Variants in NALF1 observed in about 807,000 individuals in gnomAD.
NALF1 encodes family with sequence similarity 155 member A.
Under a neutral mutation model 48.4 loss-of-function variants are expected in NALF1, and 3 were observed. The observed-to-expected ratio is 0.06, with a 90% CI of 0.03 to 0.16. The LOEUF is 0.16. Among genes scored for constraint, NALF1 ranks in the 10% least tolerant of loss-of-function variants. The pLI is 1.00. For synonymous variants in NALF1, 262 were observed against 245.7 expected, an observed-to-expected ratio of 1.07 and a Z score of -0.62; for missense variants, 526 against 571.5, an observed-to-expected ratio of 0.92 and a Z score of 0.81.
chr13:107,185,070 C>T lies in NALF1; in HGVS notation c.1088-14284G>A, dbSNP rs74113906. Reference sequence around the variant, plus strand: ...GATGTCAGAGACATACAGAGAAGGCCGTGTGACAGCAGAGGATTAGAGCAG... The same window carrying T: ...GATGTCAGAGACATACAGAGAAGGCTGTGTGACAGCAGAGGATTAGAGCAG... On this transcript the variant is annotated intron_variant, in intron 2 of 2. Coordinates refer to ENST00000375915, the MANE Select transcript of NALF1 (RefSeq NM_001080396.3). 2.6e-3 allele frequency among the ~76,000 whole-genome samples: 402 copies of T among 152,186 alleles called. 1 individual carries two copies. The highest frequency in any genetic ancestry group is 8.5e-3 in the African/African-American group (352 of 41,510).
chr13:107,438,827 C>CAAAAAAAAAAAAAAA (rs61686895), intron 1 of NALF1, among the ~76,000 whole-genome samples: 579 of 17,938 alleles, frequency 0.032, 137 homozygotes, highest in Non-Finnish European at 0.046. Context: ...GACTCCATCT[C>CAAAAAAAAAAAAAAA]AAAAAAAAAA....
chr13:107,467,267 T>C (rs1243943068), intron 1 of NALF1, among the ~76,000 whole-genome samples: 2 of 151,698 alleles, frequency 1.3e-5, no homozygotes, highest in Non-Finnish European at 2.9e-5. Context: ...CAAGTAGAAA[T>C]GATAAATATC....
chr13:107,451,745 G>GCTCTATC (rs911976169), intron 1 of NALF1, among the ~76,000 whole-genome samples: 1 of 151,970 alleles, frequency 6.6e-6, no homozygotes, highest in Non-Finnish European at 1.5e-5. Flanking sequence ...ATTGCACATC[G>GCTCTATC]CTCTATCCAA....
chr13:107,453,613 C>T (rs1472154292), intron 1 of NALF1, among the ~76,000 whole-genome samples: 1 of 152,190 alleles, frequency 6.6e-6, no homozygotes, highest in African/African-American at 2.4e-5. Flanking sequence ...TCTGACATGC[C>T]CTGGAGACAT....
chr13:107,584,305 A>G (rs1313135276), intron 1 of NALF1, among the ~76,000 whole-genome samples: 1 of 152,206 alleles, frequency 6.6e-6, no homozygotes, highest in African/African-American at 2.4e-5. Flanking sequence ...TGTGATTTGG[A>G]AAGTTGGATA....
In NALF1 at chr13:107,705,251, C is replaced by T. The variant is rs565842521; in HGVS notation, c.915+160431G>A. On this transcript the variant is annotated intron_variant, in intron 1 of 2. Coordinates refer to ENST00000375915, the MANE Select transcript of NALF1 (RefSeq NM_001080396.3). ...TGATACTATTAACTTCTACATGTCC[C>T]GCCTCCCTCACAAATGTGCAGTACA... Among the ~76,000 whole-genome samples the T allele has an allele frequency of 1.2e-4, 18 of 152,230 alleles. No individual in the cohort carries two copies. In the South Asian group the frequency reaches 3.7e-3, roughly 32 times the overall value.
intron 1 of NALF1, among the ~76,000 whole-genome samples, chr13:107,217,440 G>C (rs930430451): frequency 2.0e-5 from 3 of 152,132 alleles, no homozygotes; most frequent in African/African-American, 7.2e-5. Context: ...TTCCAAGCTT[G>C]TTTCTACACA....
At chr13:107,420,259 G>A (rs1427200788) in intron 1 of NALF1, among the ~76,000 whole-genome samples, 1 of 152,072 alleles carries the variant, frequency 6.6e-6, no homozygotes, top group Non-Finnish European at 1.5e-5. Context: ...AAAAGAGGAA[G>A]GTAATCATCA....
At chr13:107,223,328 T>C (rs889937069) in intron 1 of NALF1, among the ~76,000 whole-genome samples, 5 of 151,954 alleles carry the variant, frequency 3.3e-5, no homozygotes, top group Non-Finnish European at 1.5e-5. Context: ...ATCAAAACAG[T>C]GTTAATAACT....
chr13:107,721,263 G>A (rs911802245), intron 1 of NALF1, among the ~76,000 whole-genome samples: 3 of 152,066 alleles, frequency 2.0e-5, no homozygotes, highest in Admixed American at 1.3e-4. Context: ...ATGTAAAAAT[G>A]ATACCGGTTC....
intron 1 of NALF1, among the ~76,000 whole-genome samples, chr13:107,245,772 C>T (rs566081456): frequency 5.3e-5 from 8 of 152,090 alleles, no homozygotes; most frequent in African/African-American, 1.7e-4. Flanking sequence ...TTATATTCAG[C>T]CCAAATTAAG....
At position 107,340,430 on chromosome 13, in the gene NALF1, G is replaced by A. The variant is rs537304540; in HGVS notation, c.916-129675C>T. Among the ~76,000 whole-genome samples the A allele has an allele frequency of 5.0e-5, 6 of 119,452 alleles. No homozygotes were observed. The East Asian group carries it at 1.4e-3, about 29-fold the overall frequency. The allele number at this position is 119,452 out of a possible 152,430, so 78.4% of individuals were successfully genotyped here. A position where few individuals can be genotyped will look rare whatever the true frequency, so the allele number is the denominator to read the frequency against. ...TGCTGGAATTACAGACATGAGTTAC[G>A]GCGCCTGACCTTTCTCTTTCTTTCT... On this transcript the variant is annotated intron_variant, in intron 1 of 2. Transcript: ENST00000375915.
intron 2 of NALF1, among the ~76,000 whole-genome samples, chr13:107,202,895 G>A (rs1879551511): frequency 6.6e-6 from 1 of 152,180 alleles, no homozygotes; most frequent in Admixed American, 6.5e-5. Context: ...TAAGAGCCAG[G>A]AAATGTGGAG....
chr13:107,817,266 C>A (rs1285425189), intron 1 of NALF1, among the ~76,000 whole-genome samples: 1 of 152,184 alleles, frequency 6.6e-6, no homozygotes, highest in African/African-American at 2.4e-5. Flanking sequence ...ATGCAGTATA[C>A]TTGAAATTGT....
chr13:107,592,025 T>C (rs1443879877), intron 1 of NALF1, among the ~76,000 whole-genome samples: 1 of 152,002 alleles, frequency 6.6e-6, no homozygotes, highest in African/African-American at 2.4e-5. Flanking sequence ...CTTAGAAATC[T>C]GCTATACTAT....
intron 2 of NALF1, among the ~76,000 whole-genome samples, chr13:107,207,596 C>T (rs1425398280): frequency 2.0e-5 from 3 of 152,206 alleles, no homozygotes; most frequent in African/African-American, 7.2e-5. Context: ...GGGCAGGCAG[C>T]TGTGATGGAC....
At chr13:107,741,665 G>T (rs145535166) in intron 1 of NALF1, among the ~76,000 whole-genome samples, 1 of 152,298 alleles carries the variant, frequency 6.6e-6, no homozygotes, top group African/African-American at 2.4e-5. Flanking sequence ...ATTGACAGGT[G>T]TAGGACCAAC....
chr13:107,395,599 T>A (rs1399641714), intron 1 of NALF1, among the ~76,000 whole-genome samples: 1 of 152,128 alleles, frequency 6.6e-6, no homozygotes, highest in Non-Finnish European at 1.5e-5. Flanking sequence ...GACAGCAAGT[T>A]TGCAGTTCTC....
intron 1 of NALF1, among the ~76,000 whole-genome samples, chr13:107,333,432 A>G (rs962652158): frequency 6.6e-6 from 1 of 152,190 alleles, no homozygotes; most frequent in African/African-American, 2.4e-5. Flanking sequence ...CATGCTTACA[A>G]TATGAGAGCT....
Sources: allele counts gnomAD v4.1 joint callset (sites outside exome capture counted in the v4.1 genomes callset), GRCh38; gene constraint gnomAD v4.1.1; transcripts MANE v1.5; gene names NCBI Gene and HGNC (gene_info 2026-07-23, HGNC 2026-07-21).